Variants in ZNF469 observed in about 807,000 individuals in gnomAD.
ZNF469 encodes the protein zinc finger protein 469.
Under a neutral mutation model 1.0 loss-of-function variants are expected in ZNF469, and 1 was observed. The ratio of observed to expected loss-of-function variants is 1.00; its 90% CI spans 0.35 to 4.73. The LOEUF is 4.73. ZNF469 is among the 30% of genes most tolerant of loss of function. The probability of loss-of-function intolerance (pLI) is 0.16; values close to 1 mark genes in which losing one functional copy is unlikely to be tolerated. For missense variants in ZNF469, 6,100 were observed against 5,356.3 expected (o/e 1.14, Z -4.33); for synonymous variants, 2,703 against 2,363.4 (o/e 1.14, Z -4.17).
chr16:88,260,176 A>G, the ZNF469 span, among the ~76,000 whole-genome samples: 1 of 149,896 alleles, frequency 6.7e-6, no homozygotes, highest in Non-Finnish European at 1.5e-5. This position sits in a 1 kb window ranked among gnomAD's most constrained non-coding sequence, Gnocchi z 4.1. Flanking sequence ...TTTAGTAGAG[A>G]CAGGGTTTTA....
the ZNF469 span, among the ~76,000 whole-genome samples, chr16:88,102,486 G>A: frequency 2.6e-5 from 4 of 152,246 alleles, no homozygotes; most frequent in African/African-American, 9.6e-5. Flanking sequence ...TGGGGGACAA[G>A]AGTGAGACTT....
chr16:88,172,242 C>T, the ZNF469 span, among the ~76,000 whole-genome samples: 815 of 152,256 alleles, frequency 5.4e-3, 3 homozygotes, highest in Non-Finnish European at 8.7e-3. Flanking sequence ...TCTGTGTGTG[C>T]GTGTGAAGAA....
intron 1 of ZNF469, among the ~76,000 whole-genome samples, chr16:88,397,875 C>T (rs779536514): frequency 6.6e-6 from 1 of 152,136 alleles, no homozygotes; most frequent in Non-Finnish European, 1.5e-5. Flanking sequence ...CAGTCGAGGT[C>T]AAGAGAGGAA....
chr16:88,437,200 T>C lies in ZNF469; in HGVS notation c.9730T>C (p.Ser3244Pro), dbSNP rs1597213923. Residue 3244 changes from serine (S) to proline (P), a missense_variant, in exon 3 of 3, where the codon TCC (serine) becomes CCC (proline). Transcript: ENST00000565624. ...GCCCAAACACCACAGGGGCAAGCGC[T>C]CCGCCGGCAAGGCCGCCGGGAGCCC... ...PAPKHHRGKR[S>P]AGKAAGSPGD... 6.5e-7 allele frequency: 1 copy of C among 1,549,340 alleles called. No homozygotes were observed. The highest frequency in any genetic ancestry group is 8.7e-7 in the Non-Finnish European group (1 of 1,146,524).
At chr16:88,348,387 C>T in the ZNF469 span, among the ~76,000 whole-genome samples, 2 of 152,332 alleles carry the variant, frequency 1.3e-5, no homozygotes, top group African/African-American at 2.4e-5. Flanking sequence ...CACCCCACTC[C>T]TGTGCGAACC....
chr16:88,339,961 G>T, the ZNF469 span, among the ~76,000 whole-genome samples: 1 of 151,946 alleles, frequency 6.6e-6, no homozygotes, highest in African/African-American at 2.4e-5. Context: ...AGAGGGGAGC[G>T]AGTGGGCGGG....
chr16:88,388,319 C>T (rs1387483074), intron 1 of ZNF469, among the ~76,000 whole-genome samples: 3 of 152,250 alleles, frequency 2.0e-5, no homozygotes, highest in African/African-American at 7.2e-5. Context: ...CCTGTCCTGT[C>T]TCTGGGCTGT....
Position 88,430,744 on chromosome 16 carries a change from TACG to T in ZNF469, c.3277_3279del (p.Asp1093del), listed in dbSNP as rs1334025131. On this transcript the variant is annotated inframe_deletion, in exon 3 of 3. Transcript: ENST00000565624. ...AGCTGAGGACCGCAGGCTCCGCGAG[TACG>T]ACTTCGCCTCGGAGTCCGAGGAGGA... The T allele has an allele frequency of 3.3e-6, 5 of 1,498,198 alleles. No individual in the cohort carries two copies. In the African/African-American group the frequency reaches 4.3e-5, roughly 13 times the overall value. The allele number at this position is 1,498,198 out of a possible 1,614,324, so 92.8% of individuals were successfully genotyped here.
chr16:88,117,275 G>A, the ZNF469 span, among the ~76,000 whole-genome samples: 113 of 151,948 alleles, frequency 7.4e-4, no homozygotes, highest in African/African-American at 2.7e-3. Context: ...AGAGCTGGGG[G>A]CATGTGAGGG....
At chr16:88,310,161 T>A in the ZNF469 span, among the ~76,000 whole-genome samples, 1 of 152,116 alleles carries the variant, frequency 6.6e-6, no homozygotes, top group African/African-American at 2.4e-5. Flanking sequence ...TGGGACAGCC[T>A]GGCATGAGAG....
the ZNF469 span, among the ~76,000 whole-genome samples, chr16:88,364,239 T>A: frequency 6.6e-6 from 1 of 152,204 alleles, no homozygotes; most frequent in Non-Finnish European, 1.5e-5. Flanking sequence ...CTGCAATAAT[T>A]CATTGGCACC....
chr16:88,267,855 C>T, the ZNF469 span, among the ~76,000 whole-genome samples: 1 of 152,152 alleles, frequency 6.6e-6, no homozygotes, highest in Non-Finnish European at 1.5e-5. Flanking sequence ...ACATAGATTC[C>T]TTGGGGTGGC....
At chr16:88,131,186 C>A in the ZNF469 span, among the ~76,000 whole-genome samples, 4 of 152,240 alleles carry the variant, frequency 2.6e-5, no homozygotes, top group Non-Finnish European at 5.9e-5. Flanking sequence ...CTGTCTGGGC[C>A]ATTCCGTGTC....
At chr16:88,234,279 C>A in the ZNF469 span, among the ~76,000 whole-genome samples, 3 of 152,208 alleles carry the variant, frequency 2.0e-5, no homozygotes, top group Admixed American at 6.5e-5. Flanking sequence ...CTTGAGTGAG[C>A]TGAAGGATTT....
In ZNF469 at chr16:88,433,255, G is replaced by T; in HGVS notation, c.5785G>T (p.Ala1929Ser). 6.5e-7 allele frequency: 1 copy of T among 1,550,246 alleles called. No individual in the cohort carries two copies. Among genetic ancestry groups the T allele is most frequent in the Non-Finnish European group, 8.7e-7 (1 of 1,146,920 alleles). ...ILGLQELTPAAQSPPRVNPSG... is the reference protein window; with the variant it reads ...ILGLQELTPASQSPPRVNPSG... Reference sequence around the variant, plus strand: ...GGGCTTGCAGGAGCTGACACCTGCTGCCCAGAGCCCTCCACGAGTGAACCC... The same window carrying T: ...GGGCTTGCAGGAGCTGACACCTGCTTCCCAGAGCCCTCCACGAGTGAACCC... Residue 1929 changes from alanine to serine, a missense_variant, in exon 3 of 3, where the codon GCC (alanine) becomes TCC (serine). Transcript: ENST00000565624.
chr16:88,346,333 G>T, the ZNF469 span, among the ~76,000 whole-genome samples: 1 of 152,164 alleles, frequency 6.6e-6, no homozygotes, highest in African/African-American at 2.4e-5. Flanking sequence ...ACCCAGCTAC[G>T]CTTGTCCACT....
the ZNF469 span, among the ~76,000 whole-genome samples, chr16:88,318,495 CA>C: frequency 6.6e-6 from 1 of 151,802 alleles, no homozygotes; most frequent in East Asian, 1.9e-4. Context: ...CAGGATCAGG[CA>C]ATTCTCCCCC....
At chr16:88,392,075 GA>G (rs1904506214) in intron 1 of ZNF469, among the ~76,000 whole-genome samples, 1 of 152,166 alleles carries the variant, frequency 6.6e-6, no homozygotes, top group Non-Finnish European at 1.5e-5. Context: ...AGTGATTTTG[GA>G]GCCACATTTA....
chr16:88,249,627 G>T, the ZNF469 span, among the ~76,000 whole-genome samples: 1 of 151,426 alleles, frequency 6.6e-6, no homozygotes, highest in African/African-American at 2.4e-5. Flanking sequence ...TAGTAGAGAC[G>T]GGATTTCACC....
Sources: gnomAD v4.1 joint callset for allele counts (sites outside exome capture counted in the v4.1 genomes callset) on GRCh38, gnomAD v4.1.1 for gene constraint, Gnocchi (gnomAD v3.1) non-coding constraint, MANE v1.5 for transcripts, NCBI Gene and HGNC (gene_info 2026-07-23, HGNC 2026-07-21) for gene names.